KYNU: variants seen among roughly 807,000 people sequenced by gnomAD.
KYNU encodes the protein kynureninase, also known as L-kynurenine hydrolase.
Under a neutral mutation model 59.2 loss-of-function variants are expected in KYNU, and 54 were observed. That is an observed-to-expected ratio of 0.91 (90% CI 0.73 to 1.14). The LOEUF (loss-of-function observed/expected upper bound fraction) is 1.14, where lower values mean the gene tolerates loss of function less well. KYNU is among the 50% of genes most tolerant of loss of function. KYNU has a pLI of 0.00. For synonymous variants in KYNU, 177 were observed against 192.0 expected (o/e 0.92, Z 0.65); for missense variants, 567 against 554.4 (o/e 1.02, Z -0.23).
At chr2:142,883,189 T>C (rs1260138053) in intron 1 of KYNU, among the ~76,000 whole-genome samples, 1 of 47,522 alleles carries the variant, frequency 2.1e-5, no homozygotes, top group East Asian at 5.6e-4. Context: ...CAAATTTCTT[T>C]TTTTTTTTTT....
intron 10 of KYNU, among the ~76,000 whole-genome samples, chr2:142,995,147 A>G (rs1317228661): frequency 1.3e-5 from 2 of 152,142 alleles, no homozygotes; most frequent in East Asian, 3.9e-4. Flanking sequence ...AAGTATATTC[A>G]GAAAATGTTC....
chr2:142,881,754 AT>A lies in KYNU; in HGVS notation c.-19-3586del, dbSNP rs563461753. 6.3e-4 allele frequency among the ~76,000 whole-genome samples: 95 copies of A among 151,468 alleles called. 1 individual carries two copies. The South Asian group carries it at 0.016, about 25-fold the overall frequency. On this transcript the variant is annotated intron_variant, in intron 1 of 13. Transcript: ENST00000264170. ...TGAAACTTAATATATCCTAAATATAATTTTTTTTTAAACAGTCATGCTCTGT... is the reference window on the plus strand; with the variant it reads ...TGAAACTTAATATATCCTAAATATAATTTTTTTTAAACAGTCATGCTCTGT...
intron 8 of KYNU, among the ~76,000 whole-genome samples, chr2:142,965,797 T>G (rs1684508455): frequency 2.6e-5 from 4 of 152,176 alleles, no homozygotes; most frequent in Admixed American, 2.6e-4. Flanking sequence ...GGGTTGGGAA[T>G]GGGCTTCGGG....
chr2:142,889,036 G>C lies in KYNU; in HGVS notation c.169+3500G>C, dbSNP rs116109511. ...GCACAGTGAGGAAGTGAGCCTCATGGAGCACAGGTGAAGCTGAGCCTGGTC... is the reference window on the plus strand; with the variant it reads ...GCACAGTGAGGAAGTGAGCCTCATGCAGCACAGGTGAAGCTGAGCCTGGTC... On this transcript the variant is annotated intron_variant, in intron 2 of 13. Coordinates refer to ENST00000264170, the MANE Select transcript of KYNU (RefSeq NM_003937.3). 8.0e-3 allele frequency among the ~76,000 whole-genome samples: 1,216 copies of C among 151,706 alleles called. 15 individuals carry two copies. Among genetic ancestry groups the C allele is most frequent in the African/African-American group, 0.028 (1,145 of 41,302 alleles).
chr2:142,930,917 T>C (rs1382023796), intron 4 of KYNU, among the ~76,000 whole-genome samples: 1 of 152,128 alleles, frequency 6.6e-6, no homozygotes, highest in Non-Finnish European at 1.5e-5. Context: ...GCTGTTTTAA[T>C]GAGCGCCTGG....
chr2:142,945,665 T>G (rs1050561377), intron 4 of KYNU, among the ~76,000 whole-genome samples: 2 of 152,198 alleles, frequency 1.3e-5, no homozygotes, highest in Non-Finnish European at 2.9e-5. Context: ...GGTTTTCAAC[T>G]GACTTTGCAG....
intron 3 of KYNU, among the ~76,000 whole-genome samples, chr2:142,919,814 G>A (rs1003474009): frequency 1.3e-5 from 2 of 152,180 alleles, no homozygotes. Flanking sequence ...GCTCACGCCT[G>A]TAATCCCAGC....
At chr2:142,998,257 T>C (rs1016534508) in intron 10 of KYNU, among the ~76,000 whole-genome samples, 2 of 152,200 alleles carry the variant, frequency 1.3e-5, no homozygotes, top group African/African-American at 4.8e-5. Context: ...TTAGGAATGA[T>C]TTATGAGCCC....
chr2:142,988,998 A>G (rs1685312441), intron 10 of KYNU: 2 of 936,600 alleles, frequency 2.1e-6, no homozygotes, highest in African/African-American at 1.7e-5. Context: ...TTACTTTTTT[A>G]TTCACCTGAA....
At chr2:143,029,522 G>T in intron 10 of KYNU, 105 bp from the exon 11 acceptor site, 1 of 738,050 alleles carries the variant, frequency 1.4e-6, no homozygotes, top group South Asian at 1.4e-5. Flanking sequence ...AGAGGCAGAG[G>T]TGGCAGTGAG....
intron 4 of KYNU, among the ~76,000 whole-genome samples, chr2:142,948,921 G>A (rs1046423758): frequency 6.6e-6 from 1 of 152,232 alleles, no homozygotes; most frequent in Non-Finnish European, 1.5e-5. Flanking sequence ...CTATGATCCT[G>A]TAAGATAAAT....
intron 1 of KYNU, among the ~76,000 whole-genome samples, chr2:142,883,099 A>G (rs1034430908): frequency 6.7e-6 from 1 of 150,212 alleles, no homozygotes; most frequent in Admixed American, 6.6e-5. Flanking sequence ...ATGTAAATTT[A>G]TATCACATTA....
intron 10 of KYNU, among the ~76,000 whole-genome samples, chr2:143,009,573 A>T (rs1316083200): frequency 9.9e-4 from 55 of 55,828 alleles, no homozygotes; most frequent in Non-Finnish European, 1.5e-3. Flanking sequence ...GGCCAGCATC[A>T]TTCTGATACC....
intron 2 of KYNU, among the ~76,000 whole-genome samples, chr2:142,914,309 G>T (rs1216864887): frequency 2.0e-5 from 3 of 152,178 alleles, no homozygotes; most frequent in African/African-American, 7.2e-5. Context: ...TCTCTTCTCT[G>T]TGAGTCCTCT....
At position 143,051,093 on chromosome 2, in the gene KYNU, A is replaced by T. The variant is rs1687258969; in HGVS notation, c.*8921A>T. On this transcript the variant is annotated 3_prime_UTR_variant, in exon 14 of 14. Transcript: ENST00000264170. The stretch of plus-strand genomic sequence containing the variant: ...GTCTCAAATAACACAATAATAATGG[A>T]GGTCATTGTGAAGTAGTGGATGTAA... 1 of 152,208 alleles carries T rather than the reference A, an allele frequency of 6.6e-6. No individual in the cohort carries two copies. Among genetic ancestry groups the T allele is most frequent in the African/African-American group, 2.4e-5 (1 of 41,466 alleles). The allele number at this position is 152,208 out of a possible 1,614,324, so 9.4% of individuals were successfully genotyped here.
In KYNU at chr2:142,911,710, G is replaced by A. The variant is rs115091360; in HGVS notation, c.170-6899G>A. ...CCATAGATCGCTCTTATTGTTTTGC[G>A]GTATGTTCCTTTGATGCCTAGTTTG... is the stretch of plus-strand genomic sequence containing the variant. On this transcript the variant is annotated intron_variant, in intron 2 of 13. Transcript: ENST00000264170. Among the ~76,000 whole-genome samples, 1,285 of 152,074 alleles carry A rather than the reference G, an allele frequency of 8.4e-3. 18 individuals carry two copies. The highest frequency in any genetic ancestry group is 0.028 in the African/African-American group (1,160 of 41,450).
chr2:142,968,028 C>T (rs770725347), intron 8 of KYNU, among the ~76,000 whole-genome samples: 17 of 152,108 alleles, frequency 1.1e-4, no homozygotes, highest in Non-Finnish European at 2.4e-4. Context: ...GTCATCTTTA[C>T]CAGAAATTGT....
chr2:142,954,506 A>G (rs1684098598), intron 4 of KYNU, among the ~76,000 whole-genome samples: 1 of 152,226 alleles, frequency 6.6e-6, no homozygotes, highest in African/African-American at 2.4e-5. Flanking sequence ...GAATTTGACA[A>G]TTGAGCTGAT....
At chr2:143,025,508 G>T (rs1358457806) in intron 10 of KYNU, among the ~76,000 whole-genome samples, 1 of 152,054 alleles carries the variant, frequency 6.6e-6, no homozygotes, top group Non-Finnish European at 1.5e-5. Flanking sequence ...TTTTTCTGCA[G>T]GATACATAAT....
Sources: gnomAD v4.1 joint callset for allele counts (sites outside exome capture counted in the v4.1 genomes callset) on GRCh38, gnomAD v4.1.1 for gene constraint, MANE v1.5 for transcripts, NCBI Gene and HGNC (gene_info 2026-07-23, HGNC 2026-07-21) for gene names.